Variants in KCNMA1 observed in about 807,000 individuals in gnomAD.
KCNMA1 encodes the protein Calcium-activated potassium channel subunit alpha-1.
In KCNMA1, 29 loss-of-function variants were observed where a neutral mutation model predicts 140.0. The ratio of observed to expected loss-of-function variants is 0.21; its 90% CI spans 0.15 to 0.28. KCNMA1 has a LOEUF of 0.28. KCNMA1 is among the 10% of genes least tolerant of loss of function. The pLI is 1.00. For missense variants in KCNMA1, 880 were observed against 1,602.2 expected (o/e 0.55, Z 7.70); for synonymous variants, 612 against 611.9 (o/e 1.00, Z 0.00).
At chr10:76,913,990 G>T in intron 24 of KCNMA1, 1 of 1,194,474 alleles carries the variant, frequency 8.4e-7, no homozygotes, top group Non-Finnish European at 1.2e-6. Flanking sequence ...ACAAGCTGAT[G>T]ATAGTTGGAA....
chr10:77,409,949 C>T (rs556294725), intron 1 of KCNMA1, among the ~76,000 whole-genome samples: 1 of 152,224 alleles, frequency 6.6e-6, no homozygotes, highest in East Asian at 1.9e-4. Context: ...CTGATTCTTG[C>T]AGGAGCCCTA....
intron 1 of KCNMA1, among the ~76,000 whole-genome samples, chr10:77,449,042 G>A (rs186026921): frequency 2.0e-5 from 3 of 149,264 alleles, no homozygotes; most frequent in South Asian, 4.2e-4. Context: ...AGCCGAGATC[G>A]CATCACTGCA....
chr10:77,392,918 C>CT (rs959316431), intron 2 of KCNMA1, among the ~76,000 whole-genome samples: 1 of 152,196 alleles, frequency 6.6e-6, no homozygotes, highest in Non-Finnish European at 1.5e-5. Context: ...GCACTTGACC[C>CT]TTTTTCCTTA....
intron 2 of KCNMA1, among the ~76,000 whole-genome samples, chr10:77,299,683 C>T (rs1356966570): frequency 1.3e-5 from 2 of 152,186 alleles, no homozygotes; most frequent in African/African-American, 2.4e-5. Flanking sequence ...AGGGGGAAAG[C>T]CTGCACAAGA....
At chr10:76,932,564 G>A (rs2059537783) in intron 23 of KCNMA1, among the ~76,000 whole-genome samples, 1 of 152,084 alleles carries the variant, frequency 6.6e-6, no homozygotes, top group African/African-American at 2.4e-5. Context: ...CAGCCATTAT[G>A]TCTTTGTATT....
At chr10:77,138,402 G>A (rs1270865530) in intron 5 of KCNMA1, among the ~76,000 whole-genome samples, 2 of 152,156 alleles carry the variant, frequency 1.3e-5, no homozygotes, top group African/African-American at 2.4e-5. Context: ...GGGATTATAG[G>A]CATAAGCCAT....
chr10:77,518,075 C>T (rs1386956027), intron 1 of KCNMA1, among the ~76,000 whole-genome samples: 1 of 152,160 alleles, frequency 6.6e-6, no homozygotes. Context: ...ACTGTTCCCT[C>T]AAAGATCCCC....
At chr10:77,572,605 A>ATATATATATATATATATATAT (rs2072036710) in intron 1 of KCNMA1, among the ~76,000 whole-genome samples, 2 of 41,848 alleles carry the variant, frequency 4.8e-5, no homozygotes, top group African/African-American at 9.2e-5. Context: ...TATATATATA[A>ATATATATATATATATATATAT]ATTAGCTGGG....
intron 1 of KCNMA1, among the ~76,000 whole-genome samples, chr10:77,630,091 G>A (rs561476657): frequency 4.6e-5 from 7 of 152,142 alleles, no homozygotes; most frequent in African/African-American, 7.2e-5. Flanking sequence ...GTCACTCCAC[G>A]GGCAGCTCTT....
chr10:77,573,627 G>GGAATGGAATA (rs2072669988), intron 1 of KCNMA1, among the ~76,000 whole-genome samples: 1 of 87,884 alleles, frequency 1.1e-5, no homozygotes, highest in Non-Finnish European at 2.2e-5. Context: ...GGAATGGAAT[G>GGAATGGAATA]GAATGGAATG....
At chr10:77,012,293 A>T (rs2090979581) in intron 17 of KCNMA1, 1 of 1,461,658 alleles carries the variant, frequency 6.8e-7, no homozygotes, top group Non-Finnish European at 9.0e-7. Context: ...ACTGGGAAAA[A>T]AGTTGCTGAT....
chr10:76,984,234 ACCCAGG>A (rs1369709098), intron 19 of KCNMA1, among the ~76,000 whole-genome samples: 64 of 151,586 alleles, frequency 4.2e-4, no homozygotes, highest in African/African-American at 1.5e-3. Context: ...TCGCTCTGTC[ACCCAGG>A]CTCCCAGGCT....
chr10:76,949,890 C>T (rs2065611837), intron 21 of KCNMA1, among the ~76,000 whole-genome samples: 1 of 152,154 alleles, frequency 6.6e-6, no homozygotes, highest in Non-Finnish European at 1.5e-5. Context: ...GCAGGTGGAA[C>T]ATGCTACCTA....
At chr10:77,404,704 C>T (rs1161093097) in intron 1 of KCNMA1, among the ~76,000 whole-genome samples, 1 of 152,156 alleles carries the variant, frequency 6.6e-6, no homozygotes, top group Admixed American at 6.5e-5. Context: ...GCAGCACCCC[C>T]ACTTTCCTTT....
Position 77,086,481 on chromosome 10 carries a change from T to G in KCNMA1, c.1440+7A>C, listed in dbSNP as rs1240200826. The G allele has an allele frequency of 6.3e-7, 1 of 1,597,652 alleles. No homozygotes were observed. Among genetic ancestry groups the G allele is most frequent in the Admixed American group, 1.7e-5 (1 of 59,996 alleles). On this transcript the variant is annotated splice_region_variant and intron_variant, in intron 11 of 27. Transcript: ENST00000286628. The stretch of plus-strand genomic sequence containing the variant: ...AATAAAAGCAGAAGTCACCTCTTCC[T>G]CCTTACCTTGACTCTTGCAAGATCA...
chr10:76,881,184 G>A (rs534332835), downstream of KCNMA1, among the ~76,000 whole-genome samples: 12 of 152,320 alleles, frequency 7.9e-5, no homozygotes, highest in South Asian at 2.5e-3. Flanking sequence ...GAAGAAGCAA[G>A]GAGATGCGGG....
At chr10:77,271,108 T>A (rs1376356359) in intron 2 of KCNMA1, among the ~76,000 whole-genome samples, 1 of 152,240 alleles carries the variant, frequency 6.6e-6, no homozygotes, top group East Asian at 1.9e-4. Context: ...AAATTAGTCC[T>A]ACCAAAACAA....
At chr10:77,040,231 T>C (rs2094589936) in intron 14 of KCNMA1, among the ~76,000 whole-genome samples, 1 of 152,056 alleles carries the variant, frequency 6.6e-6, no homozygotes, top group African/African-American at 2.4e-5. Context: ...TCACCCACAT[T>C]AGTGGGCAAG....
chr10:77,621,979 A>G (rs993361281), intron 1 of KCNMA1, among the ~76,000 whole-genome samples: 11 of 152,214 alleles, frequency 7.2e-5, no homozygotes, highest in Non-Finnish European at 1.2e-4. Context: ...CATACCCCCC[A>G]GCACAGAGAT....
Sources: gnomAD v4.1 joint callset for allele counts (sites outside exome capture counted in the v4.1 genomes callset) on GRCh38, gnomAD v4.1.1 for gene constraint, MANE v1.5 for transcripts, NCBI Gene and HGNC (gene_info 2026-07-23, HGNC 2026-07-21) for gene names.